The following KCTD1 variants were observed in gnomAD, a reference collection of about 807,000 sequenced individuals.
KCTD1 encodes BTB/POZ domain-containing protein KCTD1.
In KCTD1, 24 loss-of-function variants were observed where a neutral mutation model predicts 66.0. That is an observed-to-expected ratio of 0.36 (90% CI 0.26 to 0.51). KCTD1 has a LOEUF of 0.51. Among genes scored for constraint, KCTD1 ranks in the 20% least tolerant of loss-of-function variants. KCTD1 has a pLI of 0.95. For synonymous variants in KCTD1, 511 were observed against 517.2 expected (o/e 0.99, Z 0.16); for missense variants, 943 against 1,205.2 (o/e 0.78, Z 3.22).
At chr18:26,496,203 T>A (rs1371749831) in intron 2 of KCTD1, among the ~76,000 whole-genome samples, 1 of 152,174 alleles carries the variant, frequency 6.6e-6, no homozygotes, top group Non-Finnish European at 1.5e-5. Context: ...ATTTTCAGGG[T>A]CCAGGGCAAG....
At chr18:26,608,323 T>C (rs1474394925) in intron 1 of KCTD1, among the ~76,000 whole-genome samples, 2 of 152,198 alleles carry the variant, frequency 1.3e-5, no homozygotes, top group African/African-American at 4.8e-5. Context: ...CTGAGAAAAT[T>C]GTTCTAACCA....
intron 1 of KCTD1, among the ~76,000 whole-genome samples, chr18:26,556,519 A>G (rs568056450): frequency 1.3e-5 from 2 of 152,320 alleles, no homozygotes; most frequent in East Asian, 3.9e-4. Flanking sequence ...CAAAACAAAA[A>G]TGTGGTTTAT....
chr18:26,473,136 C>T (rs1018661735), intron 3 of KCTD1, among the ~76,000 whole-genome samples: 6 of 152,046 alleles, frequency 3.9e-5, no homozygotes, highest in African/African-American at 1.4e-4. Flanking sequence ...GTTATCATGC[C>T]AAGAAAAAAC....
intron 3 of KCTD1, among the ~76,000 whole-genome samples, chr18:26,471,364 A>G (rs1421227246): frequency 6.6e-6 from 1 of 151,978 alleles, no homozygotes; most frequent in Non-Finnish European, 1.5e-5. Flanking sequence ...TCCACCGCCT[A>G]TATAACAAGC....
At chr18:26,548,594 G>A, upstream of KCTD1, 11 of 1,197,114 alleles carry the variant, frequency 9.2e-6, no homozygotes, top group Non-Finnish European at 1.1e-5. Flanking sequence ...GGACCGCAGC[G>A]CTGAGAGCTT....
chr18:26,531,387 G>T (rs953048052), intron 1 of KCTD1, among the ~76,000 whole-genome samples: 7 of 151,858 alleles, frequency 4.6e-5, no homozygotes, highest in African/African-American at 1.7e-4. Flanking sequence ...TCAACCACAG[G>T]TTGAAATACT....
chr18:26,591,637 G>C (rs1353309038), intron 1 of KCTD1: 4 of 152,234 alleles, frequency 2.6e-5, no homozygotes, highest in Admixed American at 6.5e-5. Flanking sequence ...CAAAAGGAGA[G>C]GGTGGAAGCA....
chr18:26,624,686 G>A (rs1329490811), intron 1 of KCTD1, among the ~76,000 whole-genome samples: 1 of 152,254 alleles, frequency 6.6e-6, no homozygotes. Context: ...CTAGGGCAGT[G>A]TGGGAGGGAG....
intron 2 of KCTD1, among the ~76,000 whole-genome samples, chr18:26,482,723 C>T (rs1458700105): frequency 6.6e-6 from 1 of 152,142 alleles, no homozygotes; most frequent in Non-Finnish European, 1.5e-5. Context: ...TACCGAGAGG[C>T]CAGCAGGTTA....
chr18:26,562,312 G>C (rs1238708372), intron 1 of KCTD1, among the ~76,000 whole-genome samples: 2 of 152,004 alleles, frequency 1.3e-5, no homozygotes, highest in Non-Finnish European at 2.9e-5. Flanking sequence ...GCTCACTGCA[G>C]CCTTGACCTC....
intron 2 of KCTD1, among the ~76,000 whole-genome samples, chr18:26,495,402 A>C (rs564857099): frequency 2.7e-4 from 41 of 152,304 alleles, no homozygotes; most frequent in African/African-American, 9.4e-4. Flanking sequence ...GCAATCCGGT[A>C]ATGGCTAACC....
At chr18:26,623,773 A>C (rs1388905558) in intron 1 of KCTD1, among the ~76,000 whole-genome samples, 1 of 152,190 alleles carries the variant, frequency 6.6e-6, no homozygotes, top group Non-Finnish European at 1.5e-5. Flanking sequence ...CTTTGCAACT[A>C]GGTAACAGGC....
intron 1 of KCTD1, among the ~76,000 whole-genome samples, chr18:26,510,284 A>G (rs1430810472): frequency 1.3e-5 from 2 of 152,254 alleles, no homozygotes; most frequent in Non-Finnish European, 2.9e-5. Flanking sequence ...AAATCATCAC[A>G]GTAGGTTCAC....
chr18:26,592,793 T>TG (rs986185609), intron 1 of KCTD1, among the ~76,000 whole-genome samples: 6 of 152,172 alleles, frequency 3.9e-5, no homozygotes, highest in African/African-American at 7.2e-5. Flanking sequence ...GCTAATCTAA[T>TG]GGGGAAATGG....
At chr18:26,649,524 T>C (rs969199558) in intron 1 of KCTD1, among the ~76,000 whole-genome samples, 3 of 152,166 alleles carry the variant, frequency 2.0e-5, no homozygotes, top group Non-Finnish European at 4.4e-5. Context: ...TGTGTGTTTT[T>C]TTGAGACAGA....
intron 1 of KCTD1, among the ~76,000 whole-genome samples, chr18:26,594,319 T>C (rs1223451824): frequency 1.3e-5 from 2 of 152,208 alleles, no homozygotes; most frequent in African/African-American, 4.8e-5. Flanking sequence ...ATAAGCTTAT[T>C]TAGTAATATA....
At chr18:26,634,868 A>G (rs1987691432) in intron 1 of KCTD1, among the ~76,000 whole-genome samples, 1 of 152,224 alleles carries the variant, frequency 6.6e-6, no homozygotes, top group Non-Finnish European at 1.5e-5. Flanking sequence ...GTCTAACTCC[A>G]CAAACCACAC....
intron 3 of KCTD1, among the ~76,000 whole-genome samples, chr18:26,469,145 T>C (rs960743057): frequency 6.6e-6 from 1 of 150,474 alleles, no homozygotes; most frequent in African/African-American, 2.5e-5. Context: ...CCCTGGGATA[T>C]GTGAGTTTCA....
intron 3 of KCTD1, among the ~76,000 whole-genome samples, chr18:26,474,803 C>T (rs1981254392): frequency 6.6e-6 from 1 of 152,100 alleles, no homozygotes; most frequent in Non-Finnish European, 1.5e-5. Flanking sequence ...GGTATGAAGT[C>T]TCATTTAGAC....
Sources: allele counts gnomAD v4.1 joint callset (sites outside exome capture counted in the v4.1 genomes callset), GRCh38; gene constraint gnomAD v4.1.1; transcripts MANE v1.5; gene names NCBI Gene and HGNC (gene_info 2026-07-23, HGNC 2026-07-21).